Variants in RGS5 observed in about 807,000 individuals in gnomAD.
The protein encoded by RGS5 is regulator of G protein signaling 5.
In RGS5, 20 loss-of-function variants were observed where a neutral mutation model predicts 18.9. That is an observed-to-expected ratio of 1.06 (90% CI 0.74 to 1.54). The LOEUF is 1.54. RGS5 is among the 40% of genes most tolerant of loss of function. The pLI, the probability that RGS5 is intolerant of heterozygous loss-of-function variation, is 0.00. For synonymous variants in RGS5, 57 were observed against 76.2 expected (o/e 0.75, Z 1.31); for missense variants, 201 against 211.8 (o/e 0.95, Z 0.32).
chr1:163,202,906 C>A lies in RGS5; in HGVS notation c.-71G>T. 6.8e-7 allele frequency: 1 copy of A among 1,470,102 alleles called. No homozygotes were observed. 91.1% of individuals were successfully genotyped at this position (1,470,102 alleles called of 1,614,324 possible). A position where few individuals can be genotyped will look rare whatever the true frequency, so the allele number is the denominator to read the frequency against. On this transcript the variant is annotated 5_prime_UTR_variant, in exon 1 of 5. Transcript: ENST00000313961. ...CAGCAGAGCCAGTCTTTGAAAACTTCAAAACTGTCTGGGATGCCTTTCCTC... is the reference window on the plus strand; with the variant it reads ...CAGCAGAGCCAGTCTTTGAAAACTTAAAAACTGTCTGGGATGCCTTTCCTC...
chr1:163,155,212 A>G (rs1657534697), intron 3 of RGS5, among the ~76,000 whole-genome samples: 1 of 152,142 alleles, frequency 6.6e-6, no homozygotes, highest in African/African-American at 2.4e-5. Context: ...CCCATTCTGC[A>G]TCTTTGGAAA....
chr1:163,303,188 A>T (rs906001620), intron 2 of RGS5, among the ~76,000 whole-genome samples: 3 of 152,228 alleles, frequency 2.0e-5, no homozygotes, highest in African/African-American at 7.2e-5. Flanking sequence ...ACATTAAAAA[A>T]TCTTCATTCT....
chr1:163,177,442 T>C (rs529551859), intron 1 of RGS5, among the ~76,000 whole-genome samples: 184 of 152,342 alleles, frequency 1.2e-3, no homozygotes, highest in African/African-American at 4.3e-3. Context: ...TGTTAATAAG[T>C]ATTTGTCCAA....
At chr1:163,215,453 C>T (rs1660195674) in intron 1 of RGS5, among the ~76,000 whole-genome samples, 1 of 152,092 alleles carries the variant, frequency 6.6e-6, no homozygotes, top group Non-Finnish European at 1.5e-5. Flanking sequence ...ATCTTTCTGT[C>T]TCATAGTAAA....
At chr1:163,161,842 G>A (rs955123428) in intron 3 of RGS5, 73 bp downstream of exon 3, 10 of 1,123,730 alleles carry the variant, frequency 8.9e-6, no homozygotes, top group African/African-American at 6.1e-5. Flanking sequence ...AAGAACACAG[G>A]TAATACAAAG....
chr1:163,217,437 C>A, intron 1 of RGS5: 1 of 1,348,260 alleles, frequency 7.4e-7, no homozygotes, highest in Non-Finnish European at 9.7e-7. Flanking sequence ...GCACTATTGG[C>A]ATCCTTCCAC....
intron 2 of RGS5, among the ~76,000 whole-genome samples, chr1:163,290,409 C>A (rs1649252298): frequency 6.6e-6 from 1 of 152,170 alleles, no homozygotes; most frequent in African/African-American, 2.4e-5. Flanking sequence ...AATATCTGAC[C>A]ATTGTTGCTT....
chr1:163,160,400 G>A (rs1657754678), intron 3 of RGS5, among the ~76,000 whole-genome samples: 1 of 152,124 alleles, frequency 6.6e-6, no homozygotes, highest in Non-Finnish European at 1.5e-5. Context: ...TATTCTACTA[G>A]TTGACCTTGT....
intron 2 of RGS5, among the ~76,000 whole-genome samples, chr1:163,240,549 T>C (rs1368136393): frequency 6.6e-6 from 1 of 151,772 alleles, no homozygotes; most frequent in Non-Finnish European, 1.5e-5. Flanking sequence ...AGATGGAGGG[T>C]TTCACTCTCT....
intron 2 of RGS5, among the ~76,000 whole-genome samples, chr1:163,234,636 A>T (rs1390972501): frequency 1.7e-4 from 26 of 152,196 alleles, no homozygotes; most frequent in Non-Finnish European, 1.5e-5. Flanking sequence ...CATCTGAGCC[A>T]GTTTTCTTTG....
chr1:163,191,527 G>A (rs1406976416), intron 1 of RGS5, among the ~76,000 whole-genome samples: 3 of 152,190 alleles, frequency 2.0e-5, no homozygotes, highest in African/African-American at 7.2e-5. Flanking sequence ...AGCAGTGAAG[G>A]TGTGAAGGGC....
chr1:163,287,860 T>C (rs1262531212), intron 2 of RGS5, among the ~76,000 whole-genome samples: 3 of 152,226 alleles, frequency 2.0e-5, no homozygotes, highest in Admixed American at 1.3e-4. Flanking sequence ...ATTGAGTGGA[T>C]TGCCTTTATA....
chr1:163,275,076 A>G (rs1242455769), intron 2 of RGS5, among the ~76,000 whole-genome samples: 1 of 152,192 alleles, frequency 6.6e-6, no homozygotes, highest in Non-Finnish European at 1.5e-5. Flanking sequence ...TGATCATGCC[A>G]GTGCACTCCA....
At chr1:163,301,997 T>G (rs1649563463) in intron 2 of RGS5, among the ~76,000 whole-genome samples, 1 of 127,282 alleles carries the variant, frequency 7.9e-6, no homozygotes, top group African/African-American at 2.7e-5. Flanking sequence ...TTCTTAATTT[T>G]TCCTGTTTTT....
At chr1:163,315,846 C>A (rs989737583) in intron 1 of RGS5, among the ~76,000 whole-genome samples, 2 of 152,080 alleles carry the variant, frequency 1.3e-5, no homozygotes, top group African/African-American at 4.8e-5. Flanking sequence ...ATTCTAATGC[C>A]AATAAATTTA....
At chr1:163,155,818 T>C (rs1657558042) in intron 3 of RGS5, among the ~76,000 whole-genome samples, 1 of 151,994 alleles carries the variant, frequency 6.6e-6, no homozygotes, top group African/African-American at 2.4e-5. Flanking sequence ...TCGGAGTACC[T>C]CTCAACCCAC....
At chr1:163,244,550 C>A (rs1246604507) in intron 2 of RGS5, 2 of 151,962 alleles carry the variant, frequency 1.3e-5, no homozygotes, top group Admixed American at 6.6e-5. Flanking sequence ...TGTTAAAAAA[C>A]AACATTAGCA....
At chr1:163,247,582 T>TTATA (rs5778320) in intron 2 of RGS5, among the ~76,000 whole-genome samples, 10,562 of 147,518 alleles carry the variant, frequency 0.072, 1,032 homozygotes, top group African/African-American at 0.22. Flanking sequence ...AGAAGTTGAT[T>TTATA]TATATATATA....
intron 1 of RGS5, among the ~76,000 whole-genome samples, chr1:163,187,752 C>A (rs1204932672): frequency 6.6e-6 from 1 of 152,088 alleles, no homozygotes; most frequent in East Asian, 1.9e-4. Flanking sequence ...TTATAATAAA[C>A]CAGTAAATGT....
Sources: allele counts gnomAD v4.1 joint callset (sites outside exome capture counted in the v4.1 genomes callset), GRCh38; gene constraint gnomAD v4.1.1; transcripts MANE v1.5; gene names NCBI Gene and HGNC (gene_info 2026-07-23, HGNC 2026-07-21).